ASPH: variants seen among roughly 807,000 people sequenced by gnomAD.
ASPH encodes aspartyl/asparaginyl beta-hydroxylase.
In ASPH, 100 loss-of-function variants were observed where a neutral mutation model predicts 118.4. That is an observed-to-expected ratio of 0.84 (90% CI 0.72 to 1.00). ASPH has a LOEUF of 1.00. Ranked by LOEUF, ASPH falls within the 50% of genes least tolerant of loss-of-function variation. The probability of loss-of-function intolerance (pLI) is 0.00; values close to 1 mark genes in which losing one functional copy is unlikely to be tolerated. For synonymous variants in ASPH, 315 were observed against 325.6 expected, an observed-to-expected ratio of 0.97 and a Z score of 0.35; for missense variants, 920 against 919.5, an observed-to-expected ratio of 1.00 and a Z score of -0.01.
At chr8:61,700,093 G>A (rs1286571454) in intron 1 of ASPH, among the ~76,000 whole-genome samples, 2 of 152,250 alleles carry the variant, frequency 1.3e-5, no homozygotes, top group Non-Finnish European at 2.9e-5. Flanking sequence ...AAGGGGGGAT[G>A]AAGTATTCTG....
chr8:61,691,363 T>C (rs1305610672), intron 1 of ASPH, among the ~76,000 whole-genome samples: 1 of 152,202 alleles, frequency 6.6e-6, no homozygotes, highest in African/African-American at 2.4e-5. Context: ...CTAAACAAAA[T>C]GGTCTCAGGT....
intron 1 of ASPH, among the ~76,000 whole-genome samples, chr8:61,686,160 T>C (rs1830439193): frequency 6.6e-6 from 1 of 152,204 alleles, no homozygotes; most frequent in Non-Finnish European, 1.5e-5. Flanking sequence ...AAATGACAAA[T>C]GGCCATCAAC....
Position 61,699,354 on chromosome 8 carries a change from C to G in ASPH, c.103+14915G>C, listed in dbSNP as rs139041138. ...AGAATAGTGAATCTCATATTTCAAT[C>G]TACTTGGTAAGGTACAAATATTTGT... On this transcript the variant is annotated intron_variant, in intron 1 of 24. Coordinates refer to ENST00000379454, the MANE Select transcript of ASPH (RefSeq NM_004318.4). Among the ~76,000 whole-genome samples, 120 of 152,340 alleles carry G rather than the reference C, an allele frequency of 7.9e-4. 1 individual carries two copies. The highest frequency in any genetic ancestry group is 2.8e-3 in the African/African-American group (116 of 41,582).
intron 3 of ASPH, chr8:61,663,078 T>A (rs905600274): frequency 8.3e-5 from 82 of 985,254 alleles, no homozygotes; most frequent in Non-Finnish European, 9.9e-5. Context: ...ACATAAGTTT[T>A]AAAAAAACAT....
At chr8:61,709,671 A>C (rs1396798373) in intron 1 of ASPH, among the ~76,000 whole-genome samples, 2 of 152,252 alleles carry the variant, frequency 1.3e-5, no homozygotes, top group Non-Finnish European at 2.9e-5. Flanking sequence ...GTACAGAATG[A>C]AGTCAAGCCA....
intron 3 of ASPH, chr8:61,665,516 T>G (rs1457757902): frequency 6.4e-7 from 1 of 1,568,118 alleles, no homozygotes; most frequent in Non-Finnish European, 8.7e-7. Flanking sequence ...ATCCTCTTTC[T>G]TCCCCTTTTT....
intron 3 of ASPH, chr8:61,668,202 C>T: frequency 6.4e-7 from 1 of 1,567,230 alleles, no homozygotes; most frequent in Non-Finnish European, 8.7e-7. Context: ...AAACTTGATT[C>T]ACTCAAGGCT....
chr8:61,686,754 AT>A (rs986696218), intron 1 of ASPH, among the ~76,000 whole-genome samples: 9 of 151,362 alleles, frequency 5.9e-5, no homozygotes, highest in South Asian at 2.1e-4. Flanking sequence ...ATCAAATTGA[AT>A]TTTTTTTTGG....
At chr8:61,614,982 C>T (rs1848570014) in intron 14 of ASPH, among the ~76,000 whole-genome samples, 1 of 152,182 alleles carries the variant, frequency 6.6e-6, no homozygotes, top group African/African-American at 2.4e-5. Context: ...TCCAGTCTTG[C>T]ACCCCTATGG....
At chr8:61,642,826 CAA>C in intron 10 of ASPH, 60 bp downstream of exon 10, 1 of 1,209,404 alleles carries the variant, frequency 8.3e-7, no homozygotes. Flanking sequence ...GCCTGGGCAA[CAA>C]GAGCGAAACT....
chr8:61,559,550 C>A (rs1189107013), intron 18 of ASPH, among the ~76,000 whole-genome samples: 1 of 152,176 alleles, frequency 6.6e-6, no homozygotes, highest in East Asian at 1.9e-4. Flanking sequence ...ATCCCCAGTA[C>A]AAACTCTTTG....
intron 21 of ASPH, among the ~76,000 whole-genome samples, chr8:61,539,738 G>GTGTGTGTGTC (rs1290022594): frequency 1.4e-5 from 2 of 144,244 alleles, no homozygotes; most frequent in South Asian, 2.2e-4. Flanking sequence ...GTGTGTGTGT[G>GTGTGTGTGTC]TGTCTGTCCC....
chr8:61,584,942 C>G (rs1183722103), intron 14 of ASPH, among the ~76,000 whole-genome samples: 2 of 152,356 alleles, frequency 1.3e-5, no homozygotes, highest in African/African-American at 2.4e-5. Context: ...ATCACCCACA[C>G]AGTACTCAGT....
At chr8:61,682,411 G>T in intron 2 of ASPH, 1 of 1,603,998 alleles carries the variant, frequency 6.2e-7, no homozygotes, top group Non-Finnish European at 8.5e-7. Flanking sequence ...AACACACGTA[G>T]ACTTGAAATG....
chr8:61,546,484 C>G (rs186041095), intron 21 of ASPH, among the ~76,000 whole-genome samples: 230 of 152,282 alleles, frequency 1.5e-3, no homozygotes, highest in African/African-American at 5.3e-3. Context: ...AAAAACCCGA[C>G]AGTGCTAAAT....
Position 61,602,242 on chromosome 8 carries a change from A to G in ASPH, c.976+16736T>C, listed in dbSNP as rs940595040. Among the ~76,000 whole-genome samples the G allele has an allele frequency of 7.3e-5, 11 of 151,534 alleles. 2 individuals carry two copies. The highest frequency in any genetic ancestry group is 2.7e-4 in the African/African-American group (11 of 40,802). On this transcript the variant is annotated intron_variant, in intron 14 of 24. Transcript: ENST00000379454. ...TAGCAAATCAAATCCAACAAGATAT[A>G]TAAGGAATAATGCATCATGAGTTTT...
intron 1 of ASPH, among the ~76,000 whole-genome samples, chr8:61,706,240 C>A (rs371257031): frequency 6.6e-6 from 1 of 150,986 alleles, no homozygotes; most frequent in African/African-American, 2.4e-5. Context: ...CAGGCCAACA[C>A]GGCAAAACCC....
At chr8:61,610,090 T>A (rs1366778125) in intron 14 of ASPH, among the ~76,000 whole-genome samples, 2 of 151,736 alleles carry the variant, frequency 1.3e-5, no homozygotes, top group African/African-American at 4.8e-5. Flanking sequence ...CAATACCTGA[T>A]TTTTTTTTCC....
chr8:61,585,850 C>G (rs967861017), intron 14 of ASPH, among the ~76,000 whole-genome samples: 1 of 152,184 alleles, frequency 6.6e-6, no homozygotes, highest in Non-Finnish European at 1.5e-5. Flanking sequence ...GCTCTGTGAC[C>G]TAAGCCAAGC....
Sources: allele counts gnomAD v4.1 joint callset (sites outside exome capture counted in the v4.1 genomes callset), GRCh38; gene constraint gnomAD v4.1.1; transcripts MANE v1.5; gene names NCBI Gene and HGNC (gene_info 2026-07-23, HGNC 2026-07-21).